GPC6: variants seen among roughly 807,000 people sequenced by gnomAD.
GPC6 encodes glypican 6, also known as glypican-6.
A neutral mutation model predicts 55.2 loss-of-function variants in GPC6; 14 were observed. The ratio of observed to expected loss-of-function variants is 0.25; its 90% CI spans 0.17 to 0.40. The LOEUF is 0.40. GPC6 is among the 10% of genes least tolerant of loss of function. GPC6 has a pLI of 1.00. For synonymous variants in GPC6, 278 were observed against 259.6 expected (o/e 1.07, Z -0.68); for missense variants, 641 against 708.5 (o/e 0.90, Z 1.08).
intron 1 of GPC6, among the ~76,000 whole-genome samples, chr13:93,430,570 G>A (rs546175281): frequency 6.6e-6 from 1 of 152,198 alleles, no homozygotes; most frequent in South Asian, 2.1e-4. Flanking sequence ...ACAACTTGTA[G>A]AATAGACCCA....
At chr13:93,709,681 C>A (rs924548398) in intron 2 of GPC6, among the ~76,000 whole-genome samples, 3 of 151,676 alleles carry the variant, frequency 2.0e-5, no homozygotes, top group African/African-American at 4.8e-5. Flanking sequence ...GGTGTTTCAT[C>A]ATTATTGGAA....
Position 94,350,635 on chromosome 13 carries a change from T to A in GPC6, c.1153-31779T>A, listed in dbSNP as rs147797737. On this transcript the variant is annotated intron_variant, in intron 6 of 8. Transcript: ENST00000377047. ...TAAATACATGAGATATGAATATATA[T>A]AATATGATACTCATAATATGTGTGT... is the stretch of plus-strand genomic sequence containing the variant. 2.4e-3 allele frequency among the ~76,000 whole-genome samples: 359 copies of A among 152,270 alleles called. 2 individuals carry two copies. The highest frequency in any genetic ancestry group is 8.2e-3 in the African/African-American group (342 of 41,546).
intron 1 of GPC6, among the ~76,000 whole-genome samples, chr13:93,476,310 G>T (rs1879300714): frequency 6.6e-6 from 1 of 152,036 alleles, no homozygotes; most frequent in South Asian, 2.1e-4. Context: ...GTGTGTGTGT[G>T]TGCATGCGCG....
chr13:94,012,467 A>C (rs550516099), intron 3 of GPC6, among the ~76,000 whole-genome samples: 5 of 152,330 alleles, frequency 3.3e-5, no homozygotes, highest in Non-Finnish European at 7.4e-5. Context: ...GCATTAATGC[A>C]ACCTGGCAGG....
intron 1 of GPC6, among the ~76,000 whole-genome samples, chr13:93,248,685 C>T (rs1349721442): frequency 2.6e-5 from 4 of 152,172 alleles, no homozygotes; most frequent in Non-Finnish European, 5.9e-5. Flanking sequence ...CTGGGAGCCG[C>T]TGCCTGAAAC....
At position 94,168,345 on chromosome 13, in the gene GPC6, T is replaced by C. The variant is rs1167965234; in HGVS notation, c.878-118004T>C. ...GTCAGCGTGCTCACGCATAGATTTG[T>C]TGGCTGTTAAAGCAGGGAGAAGACA... On this transcript the variant is annotated intron_variant, in intron 4 of 8. Transcript: ENST00000377047. 7.2e-5 allele frequency among the ~76,000 whole-genome samples: 11 copies of C among 152,242 alleles called. No homozygotes were observed. In the East Asian group the frequency reaches 2.1e-3, roughly 29 times the overall value.
At chr13:94,048,983 C>G (rs1883835906) in intron 4 of GPC6, among the ~76,000 whole-genome samples, 2 of 152,092 alleles carry the variant, frequency 1.3e-5, no homozygotes, top group South Asian at 4.1e-4. Context: ...TGGCTCACCC[C>G]TGTAATCCCA....
chr13:93,845,391 T>C (rs1888134473), intron 3 of GPC6, among the ~76,000 whole-genome samples: 1 of 145,932 alleles, frequency 6.9e-6, no homozygotes. Context: ...GGTGGGACTG[T>C]AAACTAGTTC....
At chr13:93,823,837 C>T (rs932475517) in intron 2 of GPC6, among the ~76,000 whole-genome samples, 1 of 151,938 alleles carries the variant, frequency 6.6e-6, no homozygotes, top group Admixed American at 6.6e-5. Flanking sequence ...TTTGTTAAGT[C>T]CTAGGAATAA....
intron 2 of GPC6, among the ~76,000 whole-genome samples, chr13:93,557,254 C>T (rs1875528675): frequency 6.6e-6 from 1 of 151,920 alleles, no homozygotes; most frequent in Admixed American, 6.6e-5. Context: ...TATAATATTC[C>T]CTCCACACAT....
intron 3 of GPC6, chr13:93,830,963 T>C: frequency 5.9e-6 from 1 of 169,354 alleles, no homozygotes; most frequent in Non-Finnish European, 1.3e-5. Flanking sequence ...GACCTGCGAA[T>C]GGAGACAAGT....
At chr13:94,128,336 G>A (rs1195158969) in intron 4 of GPC6, among the ~76,000 whole-genome samples, 2 of 152,090 alleles carry the variant, frequency 1.3e-5, no homozygotes, top group East Asian at 1.9e-4. Flanking sequence ...TTGTAGTTGT[G>A]TACTTTTTAA....
chr13:94,010,551 C>A (rs1020251258), intron 3 of GPC6, among the ~76,000 whole-genome samples: 2 of 152,136 alleles, frequency 1.3e-5, no homozygotes, highest in Non-Finnish European at 2.9e-5. Context: ...GGGGATAATT[C>A]TTTTGGTGTT....
intron 1 of GPC6, among the ~76,000 whole-genome samples, chr13:93,447,492 A>G (rs1878052313): frequency 1.3e-5 from 2 of 152,172 alleles, no homozygotes; most frequent in African/African-American, 4.8e-5. Flanking sequence ...CCATCTCACC[A>G]AAGTTACGTG....
chr13:93,376,394 T>G (rs1243401325), intron 1 of GPC6, among the ~76,000 whole-genome samples: 2 of 152,142 alleles, frequency 1.3e-5, no homozygotes, highest in Non-Finnish European at 2.9e-5. Flanking sequence ...ACATTCAGCA[T>G]TGGGTTTTCC....
chr13:93,218,471 G>A, the GPC6 span, among the ~76,000 whole-genome samples: 3 of 152,068 alleles, frequency 2.0e-5, no homozygotes, highest in Admixed American at 6.6e-5. Context: ...CCTATCCATA[G>A]GTCTAAAAAT....
chr13:93,269,601 T>TAGA (rs2139050995), intron 1 of GPC6, among the ~76,000 whole-genome samples: 1 of 152,086 alleles, frequency 6.6e-6, no homozygotes, highest in Non-Finnish European at 1.5e-5. Context: ...AATAACTTGC[T>TAGA]AGAAGATCAA....
At chr13:93,405,646 C>CTTTT (rs34596997) in intron 1 of GPC6, among the ~76,000 whole-genome samples, 1 of 149,720 alleles carries the variant, frequency 6.7e-6, no homozygotes. Context: ...CAATATAATC[C>CTTTT]TTTTTTTTTT....
At chr13:94,266,429 A>G (rs531842187) in intron 4 of GPC6, among the ~76,000 whole-genome samples, 7 of 152,144 alleles carry the variant, frequency 4.6e-5, no homozygotes, top group African/African-American at 1.7e-4. Context: ...TGGCCTCCCA[A>G]AGTGCTGGGA....
Sources: allele counts gnomAD v4.1 joint callset (sites outside exome capture counted in the v4.1 genomes callset), GRCh38; gene constraint gnomAD v4.1.1; transcripts MANE v1.5; gene names NCBI Gene and HGNC (gene_info 2026-07-23, HGNC 2026-07-21).